Variants in MAP7 observed in about 807,000 individuals in gnomAD.
The protein encoded by MAP7 is ensconsin.
MAP7 carries 52 observed loss-of-function variants against 94.8 expected under a neutral mutation model. The observed-to-expected ratio is 0.55, with a 90% CI of 0.44 to 0.69. The LOEUF is 0.69. Among genes scored for constraint, MAP7 ranks in the 30% least tolerant of loss-of-function variants. MAP7 has a pLI of 0.00. For synonymous variants in MAP7, 350 were observed against 357.0 expected (o/e 0.98, Z 0.22); for missense variants, 940 against 964.6 (o/e 0.97, Z 0.34).
chr6:136,350,140 C>G (rs533896301), intron 16 of MAP7, among the ~76,000 whole-genome samples: 46 of 152,300 alleles, frequency 3.0e-4, no homozygotes, highest in African/African-American at 1.1e-3. Flanking sequence ...TACCACTATA[C>G]TTGCATGATC....
At chr6:136,512,015 C>A (rs1304939004) in intron 1 of MAP7, among the ~76,000 whole-genome samples, 1 of 152,220 alleles carries the variant, frequency 6.6e-6, no homozygotes, top group East Asian at 1.9e-4. Context: ...ACAAACAAGT[C>A]ATCCCTGCAT....
At chr6:136,377,935 C>T (rs944285728) in intron 6 of MAP7, 67 bp from the exon 7 acceptor site, 2 of 1,151,158 alleles carry the variant, frequency 1.7e-6, no homozygotes, top group East Asian at 2.4e-5. Context: ...CATAATACAT[C>T]GTACCTATTG....
At chr6:136,434,528 T>G (rs1795844956) in intron 1 of MAP7, among the ~76,000 whole-genome samples, 1 of 152,012 alleles carries the variant, frequency 6.6e-6, no homozygotes. Context: ...CTGACTCATG[T>G]GGGAAAGAAA....
intron 1 of MAP7, among the ~76,000 whole-genome samples, chr6:136,434,598 ATTTT>A (rs3839511): frequency 6.9e-6 from 1 of 145,568 alleles, no homozygotes; most frequent in Non-Finnish European, 1.5e-5. Flanking sequence ...TAGGCAAGGA[ATTTT>A]TTTTTTTTTT....
intron 1 of MAP7, chr6:136,526,634 T>G (rs1827948598): frequency 1.0e-6 from 1 of 985,362 alleles, no homozygotes; most frequent in Admixed American, 6.2e-5. Flanking sequence ...CAGCTCCCTC[T>G]TCCTCTCAGC....
At chr6:136,434,679 C>A (rs994453580) in intron 1 of MAP7, among the ~76,000 whole-genome samples, 1 of 149,908 alleles carries the variant, frequency 6.7e-6, no homozygotes, top group Admixed American at 6.7e-5. Flanking sequence ...AATTTTGGAA[C>A]CTATTGAACA....
At chr6:136,452,615 C>T (rs534912077) in intron 1 of MAP7, among the ~76,000 whole-genome samples, 73 of 151,988 alleles carry the variant, frequency 4.8e-4, no homozygotes, top group African/African-American at 1.4e-3. Context: ...TGCAGTGGCA[C>T]GATCTCGGCT....
chr6:136,391,659 TAAA>T (rs1220690917), intron 3 of MAP7, among the ~76,000 whole-genome samples: 38 of 101,254 alleles, frequency 3.8e-4, no homozygotes, highest in African/African-American at 1.4e-3. Context: ...AAATAAAAAA[TAAA>T]AACTATTATT....
intron 1 of MAP7, among the ~76,000 whole-genome samples, chr6:136,489,444 C>T (rs1159755473): frequency 6.6e-6 from 1 of 151,246 alleles, no homozygotes; most frequent in African/African-American, 2.4e-5. Context: ...CTTACCTCTT[C>T]ATACTATTTA....
intron 1 of MAP7, chr6:136,526,300 C>CAG: frequency 9.8e-7 from 1 of 1,019,472 alleles, no homozygotes; most frequent in Non-Finnish European, 1.2e-6. Context: ...CACACACACA[C>CAG]TCCTTCCAGA....
intron 1 of MAP7, among the ~76,000 whole-genome samples, chr6:136,497,137 G>T (rs1040994913): frequency 1.3e-5 from 2 of 151,974 alleles, no homozygotes; most frequent in Admixed American, 6.6e-5. Flanking sequence ...CTCCAAAGCA[G>T]CAGTGATGGC....
chr6:136,353,489 A>G (rs1217246430), intron 16 of MAP7, among the ~76,000 whole-genome samples: 1 of 152,210 alleles, frequency 6.6e-6, no homozygotes, highest in African/African-American at 2.4e-5. Context: ...TACCATATGT[A>G]TATTACCCAC....
chr6:136,366,248 G>T, intron 9 of MAP7, 79 bp downstream of exon 9: 1 of 1,225,832 alleles, frequency 8.2e-7, no homozygotes, highest in Non-Finnish European at 1.2e-6. Flanking sequence ...AGCATGAGAA[G>T]AACAGTTCAC....
chr6:136,454,415 T>C (rs1014494369), intron 1 of MAP7, among the ~76,000 whole-genome samples: 1 of 151,892 alleles, frequency 6.6e-6, no homozygotes. Context: ...CAAGCGATCC[T>C]CCCGCCCCAG....
chr6:136,353,648 G>C (rs1435146031), intron 16 of MAP7, among the ~76,000 whole-genome samples: 3 of 152,070 alleles, frequency 2.0e-5, no homozygotes, highest in African/African-American at 7.2e-5. Context: ...TGACCTCCTG[G>C]GCTCTAGTGA....
intron 1 of MAP7, among the ~76,000 whole-genome samples, chr6:136,548,537 T>C (rs1478403435): frequency 6.6e-6 from 1 of 152,176 alleles, no homozygotes; most frequent in Non-Finnish European, 1.5e-5. Context: ...GGCAAAAGTG[T>C]GGAAGAAATG....
chr6:136,431,762 C>T (rs755632433), intron 1 of MAP7, among the ~76,000 whole-genome samples: 3 of 152,190 alleles, frequency 2.0e-5, no homozygotes, highest in African/African-American at 4.8e-5. Flanking sequence ...AGGTGATCCT[C>T]GCACCTCGGA....
intron 1 of MAP7, among the ~76,000 whole-genome samples, chr6:136,548,427 G>A (rs774349374): frequency 6.6e-6 from 1 of 152,082 alleles, no homozygotes; most frequent in Non-Finnish European, 1.5e-5. Flanking sequence ...AGAAAAATAG[G>A]AAAGAGATGC....
At chr6:136,399,402 T>C (rs971303461) in intron 3 of MAP7, among the ~76,000 whole-genome samples, 13 of 152,184 alleles carry the variant, frequency 8.5e-5, no homozygotes, top group African/African-American at 3.1e-4. Flanking sequence ...TGAAGTACAA[T>C]GGGATAGTAA....
Sources: allele counts gnomAD v4.1 joint callset (sites outside exome capture counted in the v4.1 genomes callset), GRCh38; gene constraint gnomAD v4.1.1; transcripts MANE v1.5; gene names NCBI Gene and HGNC (gene_info 2026-07-23, HGNC 2026-07-21).